The following SDK1 variants were observed in gnomAD, a reference collection of about 807,000 sequenced individuals.
The protein encoded by SDK1 is sidekick cell adhesion molecule 1.
Under a neutral mutation model 245.5 loss-of-function variants are expected in SDK1, and 157 were observed. The ratio of observed to expected loss-of-function variants is 0.64; its 90% CI spans 0.56 to 0.73. SDK1 has a LOEUF of 0.73. Ranked by LOEUF, SDK1 falls within the 30% of genes least tolerant of loss-of-function variation. The pLI is 0.00. For missense variants in SDK1, 3,583 were observed against 3,002.3 expected (o/e 1.19, Z -4.52); for synonymous variants, 1,647 against 1,278.5 (o/e 1.29, Z -6.15).
At chr7:4,090,788 T>G (rs546631970) in intron 22 of SDK1, among the ~76,000 whole-genome samples, 1 of 152,214 alleles carries the variant, frequency 6.6e-6, no homozygotes, top group Non-Finnish European at 1.5e-5. Flanking sequence ...GAAATGTACA[T>G]ATATCTATAG....
At chr7:3,878,589 G>T (rs960666095) in intron 5 of SDK1, among the ~76,000 whole-genome samples, 2 of 152,198 alleles carry the variant, frequency 1.3e-5, no homozygotes, top group Admixed American at 6.5e-5. Context: ...CTCTTGTCAT[G>T]ACAACTATTA....
chr7:4,153,248 T>A (rs1247812497), intron 30 of SDK1, among the ~76,000 whole-genome samples: 1 of 152,122 alleles, frequency 6.6e-6, no homozygotes, highest in African/African-American at 2.4e-5. Flanking sequence ...TTTTTTTTTT[T>A]TTCTTTTTCC....
chr7:3,624,485 C>T (rs976483816), intron 2 of SDK1, among the ~76,000 whole-genome samples: 1 of 152,074 alleles, frequency 6.6e-6, no homozygotes, highest in African/African-American at 2.4e-5. Flanking sequence ...AGGTGTAAGC[C>T]ACCACACCTG....
chr7:3,522,121 A>G (rs972566585), intron 1 of SDK1, among the ~76,000 whole-genome samples: 1 of 141,974 alleles, frequency 7.0e-6, no homozygotes, highest in Non-Finnish European at 1.5e-5. Context: ...TCCTTCATTC[A>G]CCTTACTATC....
chr7:3,856,134 A>T (rs113671611), intron 5 of SDK1, among the ~76,000 whole-genome samples: 1 of 152,152 alleles, frequency 6.6e-6, no homozygotes, highest in African/African-American at 2.4e-5. Context: ...GAAAATGCAT[A>T]CTAATTTTCT....
intron 19 of SDK1, among the ~76,000 whole-genome samples, chr7:4,067,330 G>T (rs183394869): frequency 1.3e-5 from 2 of 152,132 alleles, no homozygotes; most frequent in Non-Finnish European, 2.9e-5. Flanking sequence ...CCACTGCCTC[G>T]CCCCTCTGGA....
At chr7:3,346,823 ATATATTTTTTTT>A (rs1178729388) in intron 1 of SDK1, among the ~76,000 whole-genome samples, 22 of 28,238 alleles carry the variant, frequency 7.8e-4, no homozygotes, top group African/African-American at 3.1e-3. Context: ...ATATATATAT[ATATATTTTTTTT>A]TTTTTTTTTT....
chr7:3,911,037 A>C (rs1779144474), intron 5 of SDK1, among the ~76,000 whole-genome samples: 1 of 152,158 alleles, frequency 6.6e-6, no homozygotes, highest in South Asian at 2.1e-4. Flanking sequence ...CCTTTCCAAG[A>C]GGGTGGCCTT....
intron 5 of SDK1, among the ~76,000 whole-genome samples, chr7:3,831,372 A>AT (rs1394502480): frequency 6.6e-6 from 1 of 152,088 alleles, no homozygotes; most frequent in African/African-American, 2.4e-5. Flanking sequence ...TCCTTTTACG[A>AT]ATGAGTTCAG....
intron 1 of SDK1, among the ~76,000 whole-genome samples, chr7:3,592,201 A>G (rs546794870): frequency 7.6e-4 from 116 of 152,216 alleles, no homozygotes; most frequent in Non-Finnish European, 1.5e-3. Flanking sequence ...TCAAGTCATT[A>G]TAAGAATCAC....
intron 13 of SDK1, among the ~76,000 whole-genome samples, chr7:3,983,590 C>T (rs888926313): frequency 6.6e-6 from 1 of 152,180 alleles, no homozygotes; most frequent in Non-Finnish European, 1.5e-5. Flanking sequence ...ACTGGGAAAC[C>T]AAAACGTGTG....
chr7:3,487,937 T>G (rs1781753237), intron 1 of SDK1, among the ~76,000 whole-genome samples: 1 of 152,130 alleles, frequency 6.6e-6, no homozygotes, highest in Non-Finnish European at 1.5e-5. Context: ...GTAATGCTCT[T>G]TTAAGTGTTT....
chr7:3,457,693 C>G lies in SDK1; in HGVS notation c.298+155809C>G, dbSNP rs547719564. Among the ~76,000 whole-genome samples, 5 of 152,260 alleles carry G rather than the reference C, an allele frequency of 3.3e-5. No individual in the cohort carries two copies. In the South Asian group the frequency reaches 1.0e-3, roughly 32 times the overall value. ...TCCTTTTCCTTTTCTTCCTGGAGAT[C>G]TTCCTCTAAGAGCTACACATCAGTA... On this transcript the variant is annotated intron_variant, in intron 1 of 44. Transcript: ENST00000404826.
intron 1 of SDK1, among the ~76,000 whole-genome samples, chr7:3,595,694 G>C (rs937871172): frequency 1.3e-5 from 2 of 151,860 alleles, no homozygotes; most frequent in African/African-American, 4.8e-5. Flanking sequence ...ACTAGTCAAA[G>C]TTACCAGTTC....
chr7:3,558,790 C>G (rs570134384), intron 1 of SDK1, among the ~76,000 whole-genome samples: 3 of 152,302 alleles, frequency 2.0e-5, no homozygotes, highest in African/African-American at 7.2e-5. Flanking sequence ...GAATTTTTCT[C>G]CTCTGCTAAT....
intron 1 of SDK1, among the ~76,000 whole-genome samples, chr7:3,609,723 C>G (rs1468077080): frequency 1.6e-5 from 2 of 128,736 alleles, no homozygotes; most frequent in African/African-American, 6.0e-5. Flanking sequence ...CCACCCAAGA[C>G]AGAGTCTCAC....
chr7:4,176,933 A>G (rs1782251036), intron 34 of SDK1, among the ~76,000 whole-genome samples: 1 of 152,198 alleles, frequency 6.6e-6, no homozygotes, highest in South Asian at 2.1e-4. Flanking sequence ...CCAGCTAGGG[A>G]GGAGTTTCAA....
At chr7:4,090,941 T>C (rs1164607288) in intron 22 of SDK1, among the ~76,000 whole-genome samples, 1 of 152,158 alleles carries the variant, frequency 6.6e-6, no homozygotes, top group Non-Finnish European at 1.5e-5. Flanking sequence ...CCCAGTATGC[T>C]CAGTATATTT....
chr7:4,068,634 C>T (rs116757724), intron 20 of SDK1, among the ~76,000 whole-genome samples: 3,548 of 151,724 alleles, frequency 0.023, 120 homozygotes, highest in African/African-American at 0.067. Flanking sequence ...CCTTAGAGGC[C>T]CCTGGGCAGT....
Sources: gnomAD v4.1 joint callset for allele counts (sites outside exome capture counted in the v4.1 genomes callset) on GRCh38, gnomAD v4.1.1 for gene constraint, MANE v1.5 for transcripts, NCBI Gene and HGNC (gene_info 2026-07-23, HGNC 2026-07-21) for gene names.